Variants in HMBOX1 observed in about 807,000 individuals in gnomAD.
HMBOX1 encodes homeobox containing 1.
A neutral mutation model predicts 54.5 loss-of-function variants in HMBOX1; 14 were observed. The observed-to-expected ratio is 0.26, with a 90% confidence interval of 0.17 to 0.40. The LOEUF (loss-of-function observed/expected upper bound fraction) is 0.40. Among genes scored for constraint, HMBOX1 ranks in the 10% least tolerant of loss-of-function variants. HMBOX1 has a pLI of 1.00. For missense variants in HMBOX1, 332 were observed against 514.4 expected (o/e 0.65, Z 3.43); for synonymous variants, 160 against 181.0 (o/e 0.88, Z 0.93).
chr8:28,954,594 A>G (rs927721453), intron 1 of HMBOX1, among the ~76,000 whole-genome samples: 2 of 152,214 alleles, frequency 1.3e-5, no homozygotes, highest in African/African-American at 2.4e-5. Context: ...CACCACTAAC[A>G]TATTGGATTC....
chr8:29,041,058 C>T (rs528944767), intron 6 of HMBOX1, among the ~76,000 whole-genome samples: 11 of 152,252 alleles, frequency 7.2e-5, no homozygotes, highest in Non-Finnish European at 1.3e-4. Context: ...GATCATTAAA[C>T]GAGTTCTTAA....
chr8:28,918,036 C>G (rs999353005), intron 1 of HMBOX1, among the ~76,000 whole-genome samples: 2 of 152,030 alleles, frequency 1.3e-5, no homozygotes, highest in African/African-American at 4.8e-5. Context: ...TCTTTCTTCT[C>G]TTCTATTTTC....
intron 1 of HMBOX1, among the ~76,000 whole-genome samples, chr8:28,925,899 T>G (rs1022538614): frequency 1.3e-5 from 2 of 152,220 alleles, no homozygotes; most frequent in African/African-American, 4.8e-5. Context: ...AATGAAAGAT[T>G]AGAAACAGTT....
chr8:29,046,575 A>G (rs1742598455), intron 7 of HMBOX1, among the ~76,000 whole-genome samples: 1 of 152,234 alleles, frequency 6.6e-6, no homozygotes, highest in African/African-American at 2.4e-5. Flanking sequence ...AGCGGCCTTC[A>G]GCCTTCAAGA....
chr8:28,913,127 G>A (rs1389251510), intron 1 of HMBOX1, among the ~76,000 whole-genome samples: 6 of 152,100 alleles, frequency 3.9e-5, no homozygotes. Flanking sequence ...AATGGTTACT[G>A]TAAAATCTCC....
chr8:28,947,421 T>C (rs1822665324), intron 1 of HMBOX1, among the ~76,000 whole-genome samples: 1 of 152,222 alleles, frequency 6.6e-6, no homozygotes. Context: ...ACTCCTCCAC[T>C]TCTCTTGCAA....
rs10554708 is a variant in HMBOX1, at chr8:28,970,981, G to GACACACACAC, written c.500+502_500+511dup. On this transcript the variant is annotated intron_variant, in intron 3 of 9. Coordinates refer to ENST00000287701, the MANE Select transcript of HMBOX1 (RefSeq NM_001135726.3). The surrounding 1 kb of genome is among the most constrained non-coding windows in gnomAD (Gnocchi z 4.3). ...ATAGGTTCTAATTTTAGCAATAGAT[G>GACACACACAC]ACACACACACACACACACACACACA... 9.1e-5 allele frequency among the ~76,000 whole-genome samples: 12 copies of GACACACACAC among 132,046 alleles called. No homozygotes were observed. The highest frequency in any genetic ancestry group is 2.6e-4 in the African/African-American group (9 of 34,932). The allele number at this position is 132,046 out of a possible 152,430, so 86.6% of individuals were successfully genotyped here. A position where few individuals can be genotyped will look rare whatever the true frequency, so the allele number is the denominator to read the frequency against.
intron 1 of HMBOX1, among the ~76,000 whole-genome samples, chr8:28,940,067 G>T (rs1646064799): frequency 6.6e-6 from 1 of 151,892 alleles, no homozygotes; most frequent in Non-Finnish European, 1.5e-5. Flanking sequence ...AGAGTGCAAT[G>T]GTGCTATCTC....
intron 3 of HMBOX1, among the ~76,000 whole-genome samples, chr8:28,972,533 G>A (rs1428501617): frequency 1.3e-5 from 2 of 152,130 alleles, no homozygotes; most frequent in African/African-American, 2.4e-5. Flanking sequence ...AAGTTACTTC[G>A]CTCATTGAAA....
intron 6 of HMBOX1, among the ~76,000 whole-genome samples, chr8:29,039,465 C>G (rs1804494253): frequency 6.6e-6 from 1 of 152,182 alleles, no homozygotes; most frequent in African/African-American, 2.4e-5. Flanking sequence ...GTGAAATCCT[C>G]ACTTTCTCCT....
chr8:28,977,995 A>G (rs1353959281), intron 3 of HMBOX1, among the ~76,000 whole-genome samples: 1 of 152,078 alleles, frequency 6.6e-6, no homozygotes, highest in Non-Finnish European at 1.5e-5. Flanking sequence ...ATAGACAGTC[A>G]TTTTGGGAAG....
At chr8:28,977,958 AGAAAG>A (rs1563511316) in intron 3 of HMBOX1, among the ~76,000 whole-genome samples, 2 of 150,612 alleles carry the variant, frequency 1.3e-5, no homozygotes, top group African/African-American at 2.5e-5. Flanking sequence ...AAAAAAAAAA[AGAAAG>A]AAAGAAAGAA....
chr8:29,013,045 A>G (rs1834410584), intron 5 of HMBOX1, among the ~76,000 whole-genome samples: 1 of 152,186 alleles, frequency 6.6e-6, no homozygotes, highest in African/African-American at 2.4e-5. Flanking sequence ...TCTTCTGTAA[A>G]TTTAAGCATT....
At chr8:29,013,370 G>T (rs540803526) in intron 5 of HMBOX1, among the ~76,000 whole-genome samples, 1 of 152,124 alleles carries the variant, frequency 6.6e-6, no homozygotes, top group Non-Finnish European at 1.5e-5. Context: ...TCCTGACCTC[G>T]TGATCCACCC....
At chr8:29,022,762 A>G (rs1358248337) in intron 6 of HMBOX1, among the ~76,000 whole-genome samples, 2 of 152,084 alleles carry the variant, frequency 1.3e-5, no homozygotes, top group Non-Finnish European at 2.9e-5. Context: ...TTATCAATAA[A>G]AGAGAAACAA....
At chr8:28,901,313 C>T (rs1363319703) in intron 1 of HMBOX1, among the ~76,000 whole-genome samples, 2 of 151,852 alleles carry the variant, frequency 1.3e-5, no homozygotes, top group South Asian at 2.1e-4. Context: ...TAATATTTCC[C>T]CTTAAAATTT....
chr8:28,929,410 G>A (rs1202937879), intron 1 of HMBOX1, among the ~76,000 whole-genome samples: 1 of 152,184 alleles, frequency 6.6e-6, no homozygotes, highest in Admixed American at 6.5e-5. Flanking sequence ...AAAGGTGATG[G>A]TAGCCTGCAT....
intron 1 of HMBOX1, among the ~76,000 whole-genome samples, chr8:28,952,125 C>G (rs1338728783): frequency 6.9e-6 from 1 of 143,902 alleles, no homozygotes; most frequent in East Asian, 2.0e-4. Flanking sequence ...GCAGTGAGCT[C>G]TGATGCCTGG....
intron 6 of HMBOX1, among the ~76,000 whole-genome samples, chr8:29,031,738 C>T (rs1802998929): frequency 6.6e-6 from 1 of 152,156 alleles, no homozygotes; most frequent in Non-Finnish European, 1.5e-5. Flanking sequence ...TGTTGCTCCT[C>T]AACACTGTGC....
Sources: gnomAD v4.1 joint callset for allele counts (sites outside exome capture counted in the v4.1 genomes callset) on GRCh38, gnomAD v4.1.1 for gene constraint, Gnocchi (gnomAD v3.1) non-coding constraint, MANE v1.5 for transcripts, NCBI Gene and HGNC (gene_info 2026-07-23, HGNC 2026-07-21) for gene names.